The following MACROD2 variants were observed in gnomAD, a reference collection of about 807,000 sequenced individuals.
MACROD2 encodes the protein mono-ADP ribosylhydrolase 2.
In MACROD2, 36 loss-of-function variants were observed where a neutral mutation model predicts 70.4. The observed-to-expected ratio is 0.51, with a 90% CI of 0.39 to 0.68. The LOEUF is 0.68. MACROD2 is among the 30% of genes least tolerant of loss of function. MACROD2 has a pLI of 0.00. For synonymous variants in MACROD2, 172 were observed against 178.8 expected, an observed-to-expected ratio of 0.96 and a Z score of 0.30; for missense variants, 496 against 538.4, an observed-to-expected ratio of 0.92 and a Z score of 0.78.
At chr20:14,766,194 G>A (rs868537624) in intron 5 of MACROD2, among the ~76,000 whole-genome samples, 31 of 151,906 alleles carry the variant, frequency 2.0e-4, no homozygotes, top group Non-Finnish European at 1.8e-4. Context: ...ACGGGTAGTC[G>A]GCCAATTCTG....
intron 6 of MACROD2, among the ~76,000 whole-genome samples, chr20:15,349,766 A>AAAAG (rs1490671215): frequency 1.3e-5 from 2 of 151,710 alleles, no homozygotes; most frequent in Non-Finnish European, 2.9e-5. Context: ...AAAAAAAAAA[A>AAAAG]AAACACACCA....
chr20:15,118,337 C>A (rs1175711686), intron 5 of MACROD2, among the ~76,000 whole-genome samples: 1 of 151,992 alleles, frequency 6.6e-6, no homozygotes, highest in African/African-American at 2.4e-5. Flanking sequence ...GGACTACAGG[C>A]ATGCGCCACC....
intron 6 of MACROD2, among the ~76,000 whole-genome samples, chr20:15,244,737 C>G (rs1181789178): frequency 6.6e-6 from 1 of 152,122 alleles, no homozygotes; most frequent in Admixed American, 6.5e-5. Flanking sequence ...TAACTAAACC[C>G]TAGTACAACA....
Position 14,702,549 on chromosome 20 carries a change from G to A in MACROD2, c.418+17590G>A, listed in dbSNP as rs1412514889. Among the ~76,000 whole-genome samples, 16 of 136,060 alleles carry A rather than the reference G, an allele frequency of 1.2e-4. No homozygotes were observed. The East Asian group carries it at 3.3e-3, about 28-fold the overall frequency. 89.3% of individuals were successfully genotyped at this position (136,060 alleles called of 152,430 possible). A position where few individuals can be genotyped will look rare whatever the true frequency, so the allele number is the denominator to read the frequency against. On this transcript the variant is annotated intron_variant, in intron 5 of 17. Coordinates refer to ENST00000684519, the MANE Select transcript of MACROD2 (RefSeq NM_001351661.2). ...TTCACTAAACATTACATATGTGTGTGTGTGTATATATATATACACATATAT... is the reference window on the plus strand; with the variant it reads ...TTCACTAAACATTACATATGTGTGTATGTGTATATATATATACACATATAT...
At chr20:14,441,168 T>C (rs2084117744) in intron 3 of MACROD2, among the ~76,000 whole-genome samples, 1 of 152,216 alleles carries the variant, frequency 6.6e-6, no homozygotes, top group Non-Finnish European at 1.5e-5. Context: ...TGACTTCTAA[T>C]GCTAGACCTT....
At chr20:14,076,291 A>T (rs1006949542) in intron 2 of MACROD2, among the ~76,000 whole-genome samples, 1 of 152,158 alleles carries the variant, frequency 6.6e-6, no homozygotes, top group Non-Finnish European at 1.5e-5. Context: ...GAGATTAATG[A>T]ACTCTTATAT....
intron 15 of MACROD2, among the ~76,000 whole-genome samples, chr20:16,004,460 A>T (rs1186875589): frequency 3.3e-5 from 5 of 152,220 alleles, no homozygotes; most frequent in African/African-American, 9.6e-5. Flanking sequence ...GGTCCTTGTT[A>T]TGCCAGGGCC....
intron 3 of MACROD2, among the ~76,000 whole-genome samples, chr20:14,126,849 T>C (rs979390877): frequency 6.6e-6 from 1 of 152,130 alleles, no homozygotes; most frequent in African/African-American, 2.4e-5. Flanking sequence ...GTGTTCTGAC[T>C]GCTCCATCAA....
chr20:16,037,834 A>G (rs937483998), intron 15 of MACROD2, among the ~76,000 whole-genome samples: 3 of 151,840 alleles, frequency 2.0e-5, no homozygotes, highest in Admixed American at 2.0e-4. Context: ...CTCCCTTAGC[A>G]TGTTTTGATA....
At chr20:14,753,294 C>G (rs553818119) in intron 5 of MACROD2, among the ~76,000 whole-genome samples, 17 of 152,186 alleles carry the variant, frequency 1.1e-4, no homozygotes, top group African/African-American at 3.9e-4. Context: ...TTTCTGCCCT[C>G]TGGACTGCAA....
intron 2 of MACROD2, among the ~76,000 whole-genome samples, chr20:14,076,648 CA>C (rs1356177271): frequency 7.2e-5 from 11 of 152,138 alleles, no homozygotes; most frequent in African/African-American, 2.7e-4. Flanking sequence ...CACTGCACTC[CA>C]GCTTGGGTGA....
At chr20:15,709,321 T>TAA (rs1430059008) in intron 8 of MACROD2, among the ~76,000 whole-genome samples, 1 of 152,216 alleles carries the variant, frequency 6.6e-6, no homozygotes, top group Non-Finnish European at 1.5e-5. Context: ...AAAATCTTTT[T>TAA]AAATGTTTTT....
At chr20:15,928,430 C>G (rs759036556) in intron 10 of MACROD2, among the ~76,000 whole-genome samples, 1 of 152,160 alleles carries the variant, frequency 6.6e-6, no homozygotes, top group Admixed American at 6.5e-5. Context: ...ATTATCATTT[C>G]CCACATTTTT....
chr20:14,302,881 T>A (rs1432673644), intron 3 of MACROD2, among the ~76,000 whole-genome samples: 1 of 152,142 alleles, frequency 6.6e-6, no homozygotes. Flanking sequence ...CTTGAACTCC[T>A]AACCTCATGA....
chr20:15,278,948 C>T (rs1481789283), intron 6 of MACROD2, among the ~76,000 whole-genome samples: 5 of 152,158 alleles, frequency 3.3e-5, no homozygotes, highest in Non-Finnish European at 7.4e-5. Flanking sequence ...GGATGCCTCG[C>T]GTGCCCTGCT....
chr20:14,176,630 C>T (rs1218729834), intron 3 of MACROD2, among the ~76,000 whole-genome samples: 1 of 152,132 alleles, frequency 6.6e-6, no homozygotes, highest in Non-Finnish European at 1.5e-5. Flanking sequence ...TGTTCTATAG[C>T]ATTCAGTTTT....
chr20:14,550,945 C>T (rs889964161), intron 4 of MACROD2, among the ~76,000 whole-genome samples: 1 of 151,598 alleles, frequency 6.6e-6, no homozygotes, highest in African/African-American at 2.4e-5. Context: ...CAAATGAAGA[C>T]AGTAACTAAT....
intron 4 of MACROD2, among the ~76,000 whole-genome samples, chr20:14,505,248 A>G (rs541466124): frequency 3.3e-5 from 5 of 152,324 alleles, no homozygotes; most frequent in African/African-American, 7.2e-5. Context: ...AATTTGAAGT[A>G]TGTACAGTAT....
chr20:14,825,378 C>A (rs1038986490), intron 5 of MACROD2, among the ~76,000 whole-genome samples: 1 of 152,030 alleles, frequency 6.6e-6, no homozygotes. Flanking sequence ...TGTCCAAAGT[C>A]TTTTCTAGAA....
Sources: allele counts gnomAD v4.1 joint callset (sites outside exome capture counted in the v4.1 genomes callset), GRCh38; gene constraint gnomAD v4.1.1; transcripts MANE v1.5; gene names NCBI Gene and HGNC (gene_info 2026-07-23, HGNC 2026-07-21).